The following PACSIN1 variants were observed in gnomAD, a reference collection of about 807,000 sequenced individuals.
PACSIN1 encodes protein kinase C and casein kinase substrate in neurons 1.
Under a neutral mutation model 59.5 loss-of-function variants are expected in PACSIN1, and 15 were observed. The observed-to-expected ratio is 0.25, with a 90% CI of 0.17 to 0.39. The LOEUF is 0.39. PACSIN1 is among the 10% of genes least tolerant of loss of function. The probability of loss-of-function intolerance (pLI) is 1.00; values close to 1 mark genes in which losing one functional copy is unlikely to be tolerated. For missense variants in PACSIN1, 420 were observed against 580.2 expected, an observed-to-expected ratio of 0.72 and a Z score of 2.84; for synonymous variants, 210 against 220.6, an observed-to-expected ratio of 0.95 and a Z score of 0.42.
In PACSIN1 at chr6:34,521,068, GC is replaced by G. The variant is rs1416577272; in HGVS notation, c.-63-5173del. Among the ~76,000 whole-genome samples, 1 of 152,228 alleles carries G rather than the reference GC, an allele frequency of 6.6e-6. No homozygotes were observed. The highest frequency in any genetic ancestry group is 6.5e-5 in the Admixed American group (1 of 15,282). On this transcript the variant is annotated intron_variant, in intron 1 of 9. Coordinates refer to ENST00000244458, the MANE Select transcript of PACSIN1 (RefSeq NM_020804.5). This position sits in a 1 kb window ranked among gnomAD's most constrained non-coding sequence, Gnocchi z 4.3. ...AAGTGCACTGCGCACTTACTATGTT[GC>G]CGGCACTGCACTGGATGCTGGAAAT...
rs1272630390 is a variant in PACSIN1 at position 34,516,929 on chromosome 6, G to A, written c.-63-9314G>A. On this transcript the variant is annotated intron_variant, in intron 1 of 9. Coordinates refer to ENST00000244458, the MANE Select transcript of PACSIN1 (RefSeq NM_020804.5). The surrounding 1 kb of genome is among the most constrained non-coding windows in gnomAD (Gnocchi z 5.4). Reference sequence around the variant, plus strand: ...GAGGCCTGGAGCTCAGCAGGGGCTGGGGCCTGGGACACAGGAACAATCTGG... The same window carrying A: ...GAGGCCTGGAGCTCAGCAGGGGCTGAGGCCTGGGACACAGGAACAATCTGG... Among the ~76,000 whole-genome samples the A allele has an allele frequency of 6.6e-6, 1 of 152,136 alleles. No individual in the cohort carries two copies. Among genetic ancestry groups the A allele is most frequent in the Non-Finnish European group, 1.5e-5 (1 of 67,996 alleles).
chr6:34,508,215 T>C (rs1176277758), intron 1 of PACSIN1, among the ~76,000 whole-genome samples: 1 of 152,166 alleles, frequency 6.6e-6, no homozygotes, highest in Non-Finnish European at 1.5e-5. Flanking sequence ...GCAATTCTCC[T>C]GCCTCAGCCT....
At chr6:34,527,541 A>C (rs74444494) in intron 3 of PACSIN1, 53 bp downstream of exon 3, 32,216 of 1,501,898 alleles carry the variant, frequency 0.021, 1,114 homozygotes, top group East Asian at 0.12. Context: ...CGAGCCCCCT[A>C]GGTCTGGGTC....
At chr6:34,479,911 C>T (rs1051427206) in intron 1 of PACSIN1, among the ~76,000 whole-genome samples, 8 of 147,420 alleles carry the variant, frequency 5.4e-5, no homozygotes, top group Non-Finnish European at 6.0e-5. Context: ...CTGCAACCTC[C>T]GCCTCCTGGG....
chr6:34,501,645 T>C (rs1263321263), intron 1 of PACSIN1, among the ~76,000 whole-genome samples: 1 of 152,184 alleles, frequency 6.6e-6, no homozygotes, highest in Non-Finnish European at 1.5e-5. Flanking sequence ...GTCTCTTTGA[T>C]GGTGGCGTGA....
In PACSIN1 at chr6:34,504,620, A is replaced by G. The variant is rs1767081027; in HGVS notation, c.-63-21623A>G. Among the ~76,000 whole-genome samples the G allele has an allele frequency of 2.0e-5, 3 of 152,096 alleles. No homozygotes were observed. In the South Asian group the frequency reaches 6.2e-4, roughly 32 times the overall value. ...GTTATAATTTTTGCTTCAACCCTCA[A>G]ACATAATTTGGAAAGCTCAAGAGAA... On this transcript the variant is annotated intron_variant, in intron 1 of 9. Coordinates refer to ENST00000244458, the MANE Select transcript of PACSIN1 (RefSeq NM_020804.5).
intron 1 of PACSIN1, among the ~76,000 whole-genome samples, chr6:34,496,556 C>G (rs915075207): frequency 1.3e-5 from 2 of 152,260 alleles, no homozygotes; most frequent in Non-Finnish European, 2.9e-5. Flanking sequence ...GCAGAGCTTG[C>G]TGACTCGTGG....
intron 1 of PACSIN1, among the ~76,000 whole-genome samples, chr6:34,479,957 C>G (rs993864053): frequency 6.6e-6 from 1 of 152,012 alleles, no homozygotes; most frequent in African/African-American, 2.4e-5. Context: ...TCCATAGTAG[C>G]TGGGACCACA....
rs528578568 is a variant in PACSIN1 at position 34,471,195 on chromosome 6, G to A, written c.-64+4925G>A. ...ACTCCTGACCTCAAGTGATCTGCCC[G>A]CCTCAGCCTCCCAAAGTGCTGGGAT... On this transcript the variant is annotated intron_variant, in intron 1 of 9. Coordinates refer to ENST00000244458, the MANE Select transcript of PACSIN1 (RefSeq NM_020804.5). 2.8e-3 allele frequency among the ~76,000 whole-genome samples: 427 copies of A among 152,204 alleles called. 4 individuals are homozygous for A. Among genetic ancestry groups the A allele is most frequent in the African/African-American group, 9.7e-3 (404 of 41,524 alleles).
intron 1 of PACSIN1, among the ~76,000 whole-genome samples, chr6:34,492,846 C>G (rs1377342630): frequency 6.6e-6 from 1 of 152,240 alleles, no homozygotes; most frequent in Non-Finnish European, 1.5e-5. Context: ...GGTCATGAAA[C>G]TACCTACTGG....
chr6:34,515,435 G>C lies in PACSIN1; in HGVS notation c.-63-10808G>C, dbSNP rs909495176. On this transcript the variant is annotated intron_variant, in intron 1 of 9. Transcript: ENST00000244458. The surrounding 1 kb of genome is among the most constrained non-coding windows in gnomAD (Gnocchi z 4.4). ...AAGCTAGACAGGGTATGCGGCAGAG[G>C]GCAGGGAGGAGTAAGGATGCCCCTG... Among the ~76,000 whole-genome samples, 6 of 152,152 alleles carry C rather than the reference G, an allele frequency of 3.9e-5. No individual in the cohort carries two copies. The highest frequency in any genetic ancestry group is 1.4e-4 in the African/African-American group (6 of 41,432).
intron 1 of PACSIN1, among the ~76,000 whole-genome samples, chr6:34,484,809 A>T (rs1766768373): frequency 6.6e-6 from 1 of 152,166 alleles, no homozygotes; most frequent in Non-Finnish European, 1.5e-5. Context: ...ATATATCCAC[A>T]TACACACATA....
chr6:34,500,909 C>T (rs1767014010), intron 1 of PACSIN1, among the ~76,000 whole-genome samples: 1 of 152,236 alleles, frequency 6.6e-6, no homozygotes, highest in African/African-American at 2.4e-5. Context: ...CTCCTTAAGC[C>T]TCATGAACCA....
intron 1 of PACSIN1, among the ~76,000 whole-genome samples, chr6:34,478,148 C>T (rs1766665408): frequency 6.6e-6 from 1 of 151,332 alleles, no homozygotes; most frequent in African/African-American, 2.4e-5. Context: ...CAACCTCCGG[C>T]TCCCGGGTTC....
intron 3 of PACSIN1, 148 bp from the exon 4 acceptor site, chr6:34,528,494 T>C: frequency 1.5e-6 from 1 of 648,966 alleles, no homozygotes; most frequent in Non-Finnish European, 2.7e-6. Context: ...GTGGCTGATG[T>C]GGGCCCTAGA....
rs768925704 is a variant in PACSIN1 at position 34,518,493 on chromosome 6, C to T, written c.-63-7750C>T. ...TGTGGGCATCTCACTTTGGGCTCCC[C>T]GAGAAGCCAACCCCAAGACAAGGAT... On this transcript the variant is annotated intron_variant, in intron 1 of 9. Transcript: ENST00000244458. The surrounding 1 kb of genome is among the most constrained non-coding windows in gnomAD (Gnocchi z 4.4). Among the ~76,000 whole-genome samples the T allele has an allele frequency of 6.6e-6, 1 of 152,150 alleles. No homozygotes were observed. Among genetic ancestry groups the T allele is most frequent in the Non-Finnish European group, 1.5e-5 (1 of 68,020 alleles).
chr6:34,528,754 G>T lies in PACSIN1; in HGVS notation c.333G>T (p.Glu111Asp). 6.2e-7 allele frequency: 1 copy of T among 1,614,156 alleles called. No homozygotes were observed. Among genetic ancestry groups the T allele is most frequent in the Admixed American group, 1.7e-5 (1 of 60,038 alleles). Residue 111 changes from glutamate (E) to aspartate (D), a missense_variant, in exon 4 of 10, where the codon GAG becomes GAT. By Grantham distance (45) the Glu-to-Asp change is conservative (BLOSUM62 2). Coordinates refer to ENST00000244458, the MANE Select transcript of PACSIN1 (RefSeq NM_020804.5). The stretch of plus-strand genomic sequence containing the variant: ...ACAATCTGCTGAATGAGGACCTGGA[G>T]AAGGTGAAGAACTGGCAGAAGGACG... ...VKNNLLNEDLEKVKNWQKDAY... is the reference protein window; with the variant it reads ...VKNNLLNEDLDKVKNWQKDAY...
In PACSIN1 at chr6:34,488,392, T is replaced by A. The variant is rs970593521; in HGVS notation, c.-64+22122T>A. Among the ~76,000 whole-genome samples, 1 of 152,072 alleles carries A rather than the reference T, an allele frequency of 6.6e-6. No individual in the cohort carries two copies. The highest frequency in any genetic ancestry group is 1.5e-5 in the Non-Finnish European group (1 of 67,988). On this transcript the variant is annotated intron_variant, in intron 1 of 9. Coordinates refer to ENST00000244458, the MANE Select transcript of PACSIN1 (RefSeq NM_020804.5). The surrounding 1 kb of genome is among the most constrained non-coding windows in gnomAD (Gnocchi z 4.7). ...TTCCTGCCAGGATGGTGACTCTGTG[T>A]TGTTGTTTTTTCCCTGCTGGTTTCT...
chr6:34,494,827 C>G (rs2127254767), intron 1 of PACSIN1, among the ~76,000 whole-genome samples: 1 of 152,328 alleles, frequency 6.6e-6, no homozygotes, highest in Middle Eastern at 3.4e-3. Context: ...GATCACTTCC[C>G]CAGCTATCGG....
Sources: allele counts gnomAD v4.1 joint callset (sites outside exome capture counted in the v4.1 genomes callset), GRCh38; gene constraint gnomAD v4.1.1; non-coding constraint Gnocchi (gnomAD v3.1); transcripts MANE v1.5; gene names NCBI Gene and HGNC (gene_info 2026-07-23, HGNC 2026-07-21).